Variants in NBAS observed in about 807,000 individuals in gnomAD.
NBAS encodes NAG/BC035112 fusion.
In NBAS, 219 loss-of-function variants were observed where a neutral mutation model predicts 302.5. That is an observed-to-expected ratio of 0.72 (90% CI 0.65 to 0.81). The LOEUF (loss-of-function observed/expected upper bound fraction) is 0.81, where lower values mean the gene tolerates loss of function less well. Among genes scored for constraint, NBAS ranks in the 30% least tolerant of loss-of-function variants. The pLI is 0.00. For synonymous variants in NBAS, 1,118 were observed against 1,021.6 expected (o/e 1.09, Z -1.80); for missense variants, 2,932 against 2,841.6 (o/e 1.03, Z -0.72).
In NBAS at chr2:15,392,021, C is replaced by CAAAA. The variant is rs11378139; in HGVS notation, c.3257+2205_3257+2206insTTTT. Among the ~76,000 whole-genome samples the CAAAA allele has an allele frequency of 4.9e-3, 737 of 149,384 alleles. 10 individuals are homozygous for CAAAA. Among genetic ancestry groups the CAAAA allele is most frequent in the African/African-American group, 0.017 (682 of 40,832 alleles). ...ATGAATCACTGGCATCCTAGCACTA[C>CAAAA]CAAAAAAAAAATTAAAAGAAGCCTT... On this transcript the variant is annotated intron_variant, in intron 28 of 51. Transcript: ENST00000281513.
intron 16 of NBAS, among the ~76,000 whole-genome samples, chr2:15,471,337 T>C (rs1447879839): frequency 6.6e-6 from 1 of 152,232 alleles, no homozygotes; most frequent in Admixed American, 6.5e-5. Context: ...GATATCTTGC[T>C]TGTATTAATG....
the NBAS span, among the ~76,000 whole-genome samples, chr2:15,130,793 G>A: frequency 6.6e-6 from 1 of 152,148 alleles, no homozygotes; most frequent in Non-Finnish European, 1.5e-5. Context: ...TCCTCAGGGG[G>A]CCACCCTCTC....
At chr2:15,144,051 A>ATATATATATATATATTATCC in the NBAS span, among the ~76,000 whole-genome samples, 5 of 136,564 alleles carry the variant, frequency 3.7e-5, no homozygotes, top group South Asian at 2.4e-4. Context: ...ATATAAAAAT[A>ATATATATATATATATTATCC]TATATATATA....
chr2:15,073,218 C>A, the NBAS span, among the ~76,000 whole-genome samples: 9 of 152,164 alleles, frequency 5.9e-5, no homozygotes, highest in Non-Finnish European at 1.3e-4. Flanking sequence ...GTGGCTCACA[C>A]CTGTAATCCC....
the NBAS span, among the ~76,000 whole-genome samples, chr2:14,973,088 A>G: frequency 0.012 from 1,901 of 152,286 alleles, 18 homozygotes; most frequent in South Asian, 0.036. Context: ...TATTCTGGTA[A>G]TACTGAGATG....
At chr2:15,423,211 T>C (rs1166273125) in intron 23 of NBAS, among the ~76,000 whole-genome samples, 4 of 152,214 alleles carry the variant, frequency 2.6e-5, no homozygotes, top group Non-Finnish European at 5.9e-5. Context: ...AACTAGCTTA[T>C]TTCCAAAGAT....
the NBAS span, among the ~76,000 whole-genome samples, chr2:14,784,053 G>T: frequency 2.6e-5 from 4 of 152,092 alleles, no homozygotes; most frequent in South Asian, 6.2e-4. Context: ...GTTTTGATTT[G>T]CATTTCTCTG....
intron 35 of NBAS, among the ~76,000 whole-genome samples, chr2:15,331,806 C>A (rs942636763): frequency 6.6e-6 from 1 of 152,202 alleles, no homozygotes; most frequent in African/African-American, 2.4e-5. Context: ...ATCCCTAGAA[C>A]CTGTGACTAT....
At chr2:14,974,972 C>A in the NBAS span, among the ~76,000 whole-genome samples, 1 of 152,210 alleles carries the variant, frequency 6.6e-6, no homozygotes, top group Non-Finnish European at 1.5e-5. Context: ...CATTCCATTT[C>A]TGGCTTCGAA....
chr2:15,321,607 A>G (rs1345452277), intron 38 of NBAS, among the ~76,000 whole-genome samples: 4 of 152,270 alleles, frequency 2.6e-5, no homozygotes, highest in Non-Finnish European at 5.9e-5. Flanking sequence ...GACACTTCTG[A>G]AAACATCTAT....
At chr2:14,895,130 G>A in the NBAS span, among the ~76,000 whole-genome samples, 1 of 149,646 alleles carries the variant, frequency 6.7e-6, no homozygotes, top group Non-Finnish European at 1.5e-5. Context: ...TCACAAAACT[G>A]AAAGAAGTTT....
At chr2:14,789,423 G>A in the NBAS span, among the ~76,000 whole-genome samples, 626 of 152,234 alleles carry the variant, frequency 4.1e-3, 4 homozygotes, top group African/African-American at 0.014. Flanking sequence ...TGTCTTCTGC[G>A]TCGCTCATGC....
the NBAS span, among the ~76,000 whole-genome samples, chr2:14,878,161 C>A: frequency 6.6e-6 from 1 of 152,290 alleles, no homozygotes; most frequent in African/African-American, 2.4e-5. Context: ...TGCCTTATTG[C>A]CTACTTCCTC....
At chr2:15,258,458 A>G (rs1668702525) in intron 44 of NBAS, among the ~76,000 whole-genome samples, 1 of 152,164 alleles carries the variant, frequency 6.6e-6, no homozygotes, top group African/African-American at 2.4e-5. Context: ...CAGGGAAGAT[A>G]TCCCTAAATT....
intron 10 of NBAS, among the ~76,000 whole-genome samples, chr2:15,508,969 C>A (rs1277466415): frequency 6.6e-6 from 1 of 152,172 alleles, no homozygotes; most frequent in Non-Finnish European, 1.5e-5. Context: ...CCGCAGACAT[C>A]ATGCTTACTT....
the NBAS span, among the ~76,000 whole-genome samples, chr2:14,954,641 C>T: frequency 6.6e-6 from 1 of 152,080 alleles, no homozygotes. Context: ...GGAAACTTAC[C>T]ATCATGGCAG....
chr2:15,274,882 A>C (rs1669496571), intron 44 of NBAS, among the ~76,000 whole-genome samples: 1 of 151,738 alleles, frequency 6.6e-6, no homozygotes, highest in African/African-American at 2.4e-5. Flanking sequence ...CTCCTGCCTC[A>C]GCCTCCCGAG....
intron 47 of NBAS, 35 bp from the exon 48 acceptor site, chr2:15,219,003 CTAAGCCT>C: frequency 6.2e-7 from 1 of 1,611,704 alleles, no homozygotes; most frequent in Non-Finnish European, 8.5e-7. Flanking sequence ...CTGTAAACTC[CTAAGCCT>C]TTTATTTTCC....
chr2:15,478,782 C>A (rs1444154942), intron 12 of NBAS, among the ~76,000 whole-genome samples: 2 of 152,110 alleles, frequency 1.3e-5, no homozygotes, highest in Non-Finnish European at 2.9e-5. Context: ...CCATGCAGTC[C>A]TTCCTAAAAA....
Sources: gnomAD v4.1 joint callset for allele counts (sites outside exome capture counted in the v4.1 genomes callset) on GRCh38, gnomAD v4.1.1 for gene constraint, MANE v1.5 for transcripts, NCBI Gene and HGNC (gene_info 2026-07-23, HGNC 2026-07-21) for gene names.